The following RAPGEF2 variants were observed in gnomAD, a reference collection of about 807,000 sequenced individuals.
The protein encoded by RAPGEF2 is Rap guanine nucleotide exchange factor 2.
RAPGEF2 carries 54 observed loss-of-function variants against 186.7 expected under a neutral mutation model. The observed-to-expected ratio is 0.29, with a 90% confidence interval of 0.23 to 0.36. The LOEUF is 0.36. Among genes scored for constraint, RAPGEF2 ranks in the 10% least tolerant of loss-of-function variants. The pLI is 1.00. For missense variants in RAPGEF2, 1,532 were observed against 2,045.0 expected (o/e 0.75, Z 4.84); for synonymous variants, 712 against 705.9 (o/e 1.01, Z -0.14).
intron 1 of RAPGEF2, among the ~76,000 whole-genome samples, chr4:159,174,840 T>C (rs1746296103): frequency 6.6e-6 from 1 of 151,880 alleles, no homozygotes. Context: ...CACTGTAGCC[T>C]TAACTTCCCG....
At position 159,190,325 on chromosome 4, in the gene RAPGEF2, A is replaced by G. The variant is rs566123742; in HGVS notation, c.141-2875A>G. ...TTGTGGGGCCTTGTGGGGAATGGAC[A>G]ATAGGCATGTAAAGGTGGAAGCAGA... On this transcript the variant is annotated intron_variant, in intron 2 of 29. Coordinates refer to ENST00000691494, the MANE Select transcript of RAPGEF2 (RefSeq NM_001394067.2). Among the ~76,000 whole-genome samples, 8 of 152,304 alleles carry G rather than the reference A, an allele frequency of 5.3e-5. No homozygotes were observed. The South Asian group carries it at 1.5e-3, about 28-fold the overall frequency.
At chr4:159,202,687 C>G (rs1374979671) in intron 3 of RAPGEF2, among the ~76,000 whole-genome samples, 1 of 152,144 alleles carries the variant, frequency 6.6e-6, no homozygotes, top group Non-Finnish European at 1.5e-5. Context: ...CTGCAACCTC[C>G]GCCTCCTGGG....
At chr4:159,321,619 G>C (rs964227482) in intron 9 of RAPGEF2, among the ~76,000 whole-genome samples, 1 of 152,170 alleles carries the variant, frequency 6.6e-6, no homozygotes, top group African/African-American at 2.4e-5. Context: ...AAAGAACTTA[G>C]TGTGTAATTA....
At chr4:159,165,330 T>A (rs1457123304) in intron 1 of RAPGEF2, among the ~76,000 whole-genome samples, 2 of 152,214 alleles carry the variant, frequency 1.3e-5, no homozygotes, top group African/African-American at 4.8e-5. Context: ...GGAGTAACTA[T>A]TTTTTCCTAC....
chr4:159,330,433 T>C lies in RAPGEF2; in HGVS notation c.1402T>C (p.Ser468Pro). 1 of 1,609,256 alleles carries C rather than the reference T, an allele frequency of 6.2e-7. No homozygotes were observed. The highest frequency in any genetic ancestry group is 8.5e-7 in the Non-Finnish European group (1 of 1,178,768). Residue 468 changes from serine to proline, a missense_variant, in exon 13 of 30, where the codon TCT becomes CCT. By Grantham distance (74) the Ser-to-Pro change is moderately conservative (BLOSUM62 -1). Around this residue, in one of 4 missense-constraint regions of RAPGEF2, gnomAD observed 810 missense variants for 1,210.5 expected, o/e 0.67. Coordinates refer to ENST00000691494, the MANE Select transcript of RAPGEF2 (RefSeq NM_001394067.2). ...DFLLTYRTFLSSPMEVGKKLL... is the reference protein window; with the variant it reads ...DFLLTYRTFLPSPMEVGKKLL... The stretch of plus-strand genomic sequence containing the variant: ...TCTGTTGACCTATAGGACTTTTCTT[T>C]CTAGCCCAATGGAAGTGGGCAAAAA...
intron 4 of RAPGEF2, among the ~76,000 whole-genome samples, chr4:159,219,913 T>C (rs953683213): frequency 9.2e-5 from 14 of 152,232 alleles, no homozygotes; most frequent in Middle Eastern, 3.2e-3. Flanking sequence ...TTGCTTCTTA[T>C]ATGCTTGCTT....
At chr4:159,181,612 T>C (rs1747019790) in intron 1 of RAPGEF2, among the ~76,000 whole-genome samples, 1 of 142,370 alleles carries the variant, frequency 7.0e-6, no homozygotes, top group East Asian at 2.1e-4. Flanking sequence ...GGGGTCTCGC[T>C]CTGTTGCCAG....
chr4:159,284,410 T>C lies in RAPGEF2; in HGVS notation c.544-19932T>C, dbSNP rs142410639. ...AATTGAGCACCTTAAGAATTTTTCC[T>C]AAGGGATCATGGAGAAGTCAGGTTG... is the stretch of plus-strand genomic sequence containing the variant. On this transcript the variant is annotated intron_variant, in intron 7 of 29. Transcript: ENST00000691494. Among the ~76,000 whole-genome samples, 458 of 151,910 alleles carry C rather than the reference T, an allele frequency of 3.0e-3. 1 individual carries two copies. The highest frequency in any genetic ancestry group is 0.01 in the African/African-American group (430 of 41,418).
chr4:159,125,466 T>A (rs1053395108), intron 1 of RAPGEF2, among the ~76,000 whole-genome samples: 12 of 151,998 alleles, frequency 7.9e-5, no homozygotes, highest in African/African-American at 2.9e-4. Flanking sequence ...GATAAATAAT[T>A]AGCTGTTATG....
At chr4:159,206,123 G>A (rs1749959910) in intron 3 of RAPGEF2, among the ~76,000 whole-genome samples, 3 of 152,070 alleles carry the variant, frequency 2.0e-5, no homozygotes, top group Admixed American at 1.3e-4. Context: ...GTAAAGACGG[G>A]GTTTCACCGT....
intron 24 of RAPGEF2, among the ~76,000 whole-genome samples, chr4:159,345,917 C>T (rs1253978720): frequency 1.3e-5 from 2 of 151,820 alleles, no homozygotes; most frequent in Non-Finnish European, 2.9e-5. Flanking sequence ...TCAGTACACA[C>T]CTGTGTCTTT....
chr4:159,170,081 C>T (rs1425098599), intron 1 of RAPGEF2, among the ~76,000 whole-genome samples: 3 of 146,120 alleles, frequency 2.1e-5, no homozygotes, highest in Admixed American at 6.8e-5. Context: ...ATGCTCATCT[C>T]TTTTTTTTTT....
rs1197080431 is a variant in RAPGEF2, at chr4:159,104,192, C to T, written c.30C>T (p.Arg10=). The change falls in exon 1 of 30, where the codon CGC becomes CGT. Residue 10 remains arginine, a synonymous_variant. Transcript: ENST00000691494. MASYVDNSF[R]QAVMKNPPER... is the part of the protein sequence containing the mutation. Reference sequence around the variant, plus strand: ...CGTCCTACGTAGATAACAGCTTCCGCCAGGCGGTGATGAAGAATCCCCCCG... The same window carrying T: ...CGTCCTACGTAGATAACAGCTTCCGTCAGGCGGTGATGAAGAATCCCCCCG... 2.6e-6 allele frequency: 4 copies of T among 1,527,130 alleles called. No homozygotes were observed. The highest frequency in any genetic ancestry group is 1.4e-5 in the African/African-American group (1 of 72,538). The allele number at this position is 1,527,130 out of a possible 1,614,324, so 94.6% of individuals were successfully genotyped here.
intron 4 of RAPGEF2, among the ~76,000 whole-genome samples, chr4:159,232,393 T>C (rs751398996): frequency 1.3e-5 from 2 of 152,232 alleles, no homozygotes; most frequent in Non-Finnish European, 2.9e-5. Context: ...TTTGTACTTT[T>C]GTGGCTGGTT....
At position 159,186,684 on chromosome 4, in the gene RAPGEF2, T is replaced by A; in HGVS notation, c.112T>A (p.Leu38Ile). ...VYSYLHGMEA[L>I]SNLREHQLRL... ...TTCCTATTTACATGGTATGGAAGCC[T>A]TATCAAACTTGAGGGAGCATCAACT... The change falls in exon 2 of 30, where the codon TTA becomes ATA. Residue 38 changes from leucine to isoleucine, a missense_variant. Leu to Ile is a conservative substitution (Grantham distance 5). Transcript: ENST00000691494. The A allele has an allele frequency of 6.8e-7, 1 of 1,476,200 alleles. No individual in the cohort carries two copies. The highest frequency in any genetic ancestry group is 1.3e-5 in the South Asian group (1 of 79,318). The allele number at this position is 1,476,200 out of a possible 1,614,324, so 91.4% of individuals were successfully genotyped here. A position where few individuals can be genotyped will look rare whatever the true frequency, so the allele number is the denominator to read the frequency against.
At chr4:159,342,440 A>G (rs929520330) in intron 20 of RAPGEF2, among the ~76,000 whole-genome samples, 1 of 151,778 alleles carries the variant, frequency 6.6e-6, no homozygotes, top group Non-Finnish European at 1.5e-5. Context: ...AATGGCAACA[A>G]TTAGTTATAT....
At chr4:159,131,519 ATTTTTTTTTT>A (rs35670450) in intron 1 of RAPGEF2, among the ~76,000 whole-genome samples, 6 of 37,188 alleles carry the variant, frequency 1.6e-4, no homozygotes, top group Admixed American at 6.7e-4. Flanking sequence ...ATTAATTGCT[ATTTTTTTTTT>A]TTTTTTTTTT....
chr4:159,230,159 A>G (rs541828666), intron 4 of RAPGEF2, among the ~76,000 whole-genome samples: 2 of 152,190 alleles, frequency 1.3e-5, no homozygotes, highest in Non-Finnish European at 2.9e-5. Flanking sequence ...CTTAAAACAC[A>G]TATACCATAC....
intron 1 of RAPGEF2, among the ~76,000 whole-genome samples, chr4:159,124,521 A>G (rs1740068628): frequency 6.6e-6 from 1 of 152,178 alleles, no homozygotes; most frequent in Non-Finnish European, 1.5e-5. Flanking sequence ...CCTGGGTGAC[A>G]GAGCTAGATA....
Sources: gnomAD v4.1 joint callset for allele counts (sites outside exome capture counted in the v4.1 genomes callset) on GRCh38, gnomAD v4.1.1 for gene constraint, gnomAD v4.1.1 regional missense constraint, MANE v1.5 for transcripts, NCBI Gene and HGNC (gene_info 2026-07-23, HGNC 2026-07-21) for gene names.